KIF20B: variants seen among roughly 807,000 people sequenced by gnomAD.
The protein encoded by KIF20B is kinesin-like protein KIF20B.
KIF20B carries 188 observed loss-of-function variants against 232.5 expected under a neutral mutation model. The observed-to-expected ratio is 0.81, with a 90% CI of 0.72 to 0.91. The LOEUF is 0.91. KIF20B is among the 40% of genes least tolerant of loss of function. The probability of loss-of-function intolerance (pLI) is 0.00; values close to 1 mark genes in which losing one functional copy is unlikely to be tolerated. For synonymous variants in KIF20B, 712 were observed against 683.0 expected, an observed-to-expected ratio of 1.04 and a Z score of -0.66; for missense variants, 2,154 against 2,055.9, an observed-to-expected ratio of 1.05 and a Z score of -0.92.
chr10:89,733,285 C>T (rs779318247), intron 19 of KIF20B: 62 of 412,890 alleles, frequency 1.5e-4, no homozygotes, highest in South Asian at 9.4e-4. Context: ...TTATTTCTTT[C>T]GCAGTCTATG....
rs759107250 is a variant in KIF20B at position 89,711,135 on chromosome 10, A to G, written c.665A>G (p.Gln222Arg). The G allele has an allele frequency of 3.9e-6, 6 of 1,541,090 alleles. No individual in the cohort carries two copies. In the South Asian group the frequency reaches 7.5e-5, roughly 19 times the overall value. Residue 222 changes from glutamine to arginine, a missense_variant, in exon 6 of 33, where the codon CAA becomes CGA. Coordinates refer to ENST00000371728, the MANE Select transcript of KIF20B (RefSeq NM_001284259.2). ...EIASKSALLR[Q>R]IKEVTVHNDS... ...GCTAGCAAAAGTGCATTGCTTCGGC[A>G]AATTAAAGAGGTATGGAAATATTTT... is the stretch of plus-strand genomic sequence containing the variant.
At chr10:89,733,290 T>G in intron 19 of KIF20B, 2 of 409,412 alleles carry the variant, frequency 4.9e-6, no homozygotes, top group South Asian at 5.9e-5. Flanking sequence ...TCTTTCGCAG[T>G]CTATGTAATA....
rs374027434 is a variant in KIF20B at position 89,733,045 on chromosome 10, C to T, written c.2534C>T (p.Pro845Leu). 6.2e-6 allele frequency: 10 copies of T among 1,613,346 alleles called. No individual in the cohort carries two copies. The African/African-American group carries it at 1.1e-4, about 17-fold the overall frequency. Residue 845 changes from proline (P) to leucine (L), a missense_variant, in exon 19 of 33, where the codon CCA becomes CTA. Physicochemically the swap from Pro to Leu is moderately conservative, Grantham distance 98. Coordinates refer to ENST00000371728, the MANE Select transcript of KIF20B (RefSeq NM_001284259.2). Reference sequence around the variant, plus strand: ...AATGAACTTCAGCAAGATGAACCACCAGCAAAGAAAGGTACTACTTCAGCT... The same window carrying T: ...AATGAACTTCAGCAAGATGAACCACTAGCAAAGAAAGGTACTACTTCAGCT... ...NENELQQDEPPAKKGSIHVSS... is the reference protein window; with the variant it reads ...NENELQQDEPLAKKGSIHVSS...
intron 20 of KIF20B, 144 bp from the exon 21 acceptor site, chr10:89,738,814 A>G: frequency 3.5e-6 from 4 of 1,155,932 alleles, no homozygotes; most frequent in Non-Finnish European, 4.8e-6. Context: ...ATCATATGAA[A>G]TATTTTCTGA....
At chr10:89,712,255 C>A (rs998170409) in intron 6 of KIF20B, among the ~76,000 whole-genome samples, 2 of 151,108 alleles carry the variant, frequency 1.3e-5, no homozygotes, top group African/African-American at 4.9e-5. Flanking sequence ...TTTTTTTCTT[C>A]CTTTTTTTAG....
At position 89,713,958 on chromosome 10, in the gene KIF20B, G is replaced by A. The variant is rs1842885498; in HGVS notation, c.676-89G>A. On this transcript the variant is annotated intron_variant, in intron 6 of 32. Transcript: ENST00000371728. Reference sequence around the variant, plus strand: ...GTAGATGAAAGGTTGTGATTTGGTAGTGACTTATTTGGATAGGTAATTAAT... The same window carrying A: ...GTAGATGAAAGGTTGTGATTTGGTAATGACTTATTTGGATAGGTAATTAAT... 9 of 513,462 alleles carry A rather than the reference G, an allele frequency of 1.8e-5. No individual in the cohort carries two copies. The South Asian group carries it at 2.5e-4, about 15-fold the overall frequency. The allele number at this position is 513,462 out of a possible 1,614,324, so 31.8% of individuals were successfully genotyped here.
At chr10:89,714,138 G>A in intron 7 of KIF20B, 55 bp downstream of exon 7, 1 of 991,722 alleles carries the variant, frequency 1.0e-6, no homozygotes, top group Non-Finnish European at 1.4e-6. Flanking sequence ...AAGTACACTT[G>A]AAAAGCTTTT....
At chr10:89,705,744 G>C (rs181555768) in intron 2 of KIF20B, among the ~76,000 whole-genome samples, 2 of 152,180 alleles carry the variant, frequency 1.3e-5, no homozygotes, top group African/African-American at 4.8e-5. Flanking sequence ...GTTGTGAGGA[G>C]ACTATAGGGT....
Position 89,738,529 on chromosome 10 carries a change from A to G in KIF20B, c.3688A>G (p.Thr1230Ala). 1 of 1,599,152 alleles carries G rather than the reference A, an allele frequency of 6.3e-7. No individual in the cohort carries two copies. ...GGAACTCAAGCTGAAAGAAGAAATC[A>G]CACAGTTAACAAATAATTTGCAAGA... is the stretch of plus-strand genomic sequence containing the variant. ...VKELKLKEEI[T>A]QLTNNLQDMK... is the part of the protein sequence containing the mutation. Residue 1230 changes from threonine to alanine, a missense_variant, in exon 20 of 33, where the codon ACA becomes GCA. Thr to Ala is a moderately conservative substitution (Grantham distance 58). Coordinates refer to ENST00000371728, the MANE Select transcript of KIF20B (RefSeq NM_001284259.2).
At chr10:89,704,841 G>A (rs1302268346) in intron 1 of KIF20B, among the ~76,000 whole-genome samples, 1 of 152,194 alleles carries the variant, frequency 6.6e-6, no homozygotes, top group Non-Finnish European at 1.5e-5. Flanking sequence ...ACAGGCGTGA[G>A]CCACCGCACC....
Position 89,760,605 on chromosome 10 carries a change from C to T in KIF20B, c.4760C>T (p.Thr1587Ile). The T allele has an allele frequency of 6.2e-7, 1 of 1,610,950 alleles. No individual in the cohort carries two copies. Among genetic ancestry groups the T allele is most frequent in the South Asian group, 1.1e-5 (1 of 90,996 alleles). The change falls in exon 28 of 33, where the codon ACA becomes ATA. Residue 1587 changes from threonine to isoleucine, a missense_variant. By Grantham distance (89) the Thr-to-Ile change is moderately conservative (BLOSUM62 -1). Transcript: ENST00000371728. Reference protein sequence around the residue: ...PDKLQTEPLSTSFEISRNKIE... With the variant: ...PDKLQTEPLSISFEISRNKIE... ...AAACTTCAAACTGAACCTCTATCGA[C>T]AAGTTTTGAAATTTCCAGAAATAAA...
At chr10:89,731,159 G>A (rs1055669178) in intron 18 of KIF20B, among the ~76,000 whole-genome samples, 3 of 152,068 alleles carry the variant, frequency 2.0e-5, no homozygotes, top group Non-Finnish European at 4.4e-5. Context: ...CTTTGATTTG[G>A]TAAATAAAAA....
At chr10:89,728,659 C>A (rs1190361868) in intron 17 of KIF20B, among the ~76,000 whole-genome samples, 3 of 152,044 alleles carry the variant, frequency 2.0e-5, no homozygotes, top group Non-Finnish European at 2.9e-5. Context: ...GTGGCCACCA[C>A]CCCCGGCTGA....
chr10:89,738,575 TAAAAGAAGAAGAAGAAG>T lies in KIF20B; in HGVS notation c.3738_3754del (p.Lys1246AsnfsTer36). 6.4e-7 allele frequency: 1 copy of T among 1,564,072 alleles called. No homozygotes were observed. The highest frequency in any genetic ancestry group is 2.1e-5 in the Admixed American group (1 of 47,988). On this transcript the variant is annotated frameshift_variant, in exon 20 of 33. Transcript: ENST00000371728. LOFTEE classifies it high-confidence loss of function. ...CAAGATATGAAACATTTACTTCAATTAAAAGAAGAAGAAGAAGAAACCAACAGGCAAGAAACAGAAAA... is the reference window on the plus strand; with the variant it reads ...CAAGATATGAAACATTTACTTCAATTAAACCAACAGGCAAGAAACAGAAAA...
intron 22 of KIF20B, 143 bp downstream of exon 22, chr10:89,744,070 G>T: frequency 1.6e-6 from 1 of 608,964 alleles, no homozygotes; most frequent in Non-Finnish European, 2.6e-6. Flanking sequence ...AATTAAATAG[G>T]CAAAAAAGAA....
chr10:89,763,886 T>TTTTA (rs201499620), intron 29 of KIF20B, among the ~76,000 whole-genome samples: 4 of 146,830 alleles, frequency 2.7e-5, no homozygotes, highest in Non-Finnish European at 4.5e-5. Flanking sequence ...ATTTATATAT[T>TTTTA]TTTATTTATT....
At chr10:89,748,844 C>T (rs1475368040) in intron 23 of KIF20B, among the ~76,000 whole-genome samples, 1 of 151,836 alleles carries the variant, frequency 6.6e-6, no homozygotes, top group African/African-American at 2.4e-5. Flanking sequence ...ATAGGCCCAC[C>T]GTGACTATTT....
intron 1 of KIF20B, among the ~76,000 whole-genome samples, chr10:89,704,328 T>G (rs573564741): frequency 6.6e-6 from 1 of 152,204 alleles, no homozygotes; most frequent in African/African-American, 2.4e-5. Flanking sequence ...TCTAGTAGAT[T>G]CTCAGTAAAT....
chr10:89,762,216 C>T (rs919975103), intron 28 of KIF20B, among the ~76,000 whole-genome samples: 3 of 151,924 alleles, frequency 2.0e-5, no homozygotes, highest in African/African-American at 2.4e-5. Flanking sequence ...GCTATAAGGC[C>T]CAAATTCAAA....
Sources: allele counts gnomAD v4.1 joint callset (sites outside exome capture counted in the v4.1 genomes callset), GRCh38; gene constraint gnomAD v4.1.1; transcripts MANE v1.5; gene names NCBI Gene and HGNC (gene_info 2026-07-23, HGNC 2026-07-21).